Variants in ARB2A observed in about 807,000 individuals in gnomAD.
ARB2A encodes ARB2 cotranscriptional regulator A.
chr5:94,076,755 A>G, the ARB2A span, among the ~76,000 whole-genome samples: 1 of 152,184 alleles, frequency 6.6e-6, no homozygotes, highest in South Asian at 2.1e-4. Context: ...CCTTTGCTAA[A>G]TATTCTACAA....
At chr5:93,900,853 T>A in the ARB2A span, among the ~76,000 whole-genome samples, 1 of 152,224 alleles carries the variant, frequency 6.6e-6, no homozygotes, top group Admixed American at 6.5e-5. Context: ...TGGTTTTAAT[T>A]GTGAAATTCT....
At chr5:93,983,170 G>GGTGTGTGTGTGT in the ARB2A span, among the ~76,000 whole-genome samples, 1 of 125,466 alleles carries the variant, frequency 8.0e-6, no homozygotes, top group African/African-American at 3.1e-5. Flanking sequence ...GCTGTGGAGA[G>GGTGTGTGTGTGT]GTGTGTGTGT....
chr5:93,954,430 G>A, the ARB2A span, among the ~76,000 whole-genome samples: 1 of 151,940 alleles, frequency 6.6e-6, no homozygotes, highest in East Asian at 1.9e-4. Flanking sequence ...TCTAGTGTCT[G>A]GAATAGGAGC....
the ARB2A span, among the ~76,000 whole-genome samples, chr5:94,072,557 T>C: frequency 6.8e-3 from 1,042 of 152,130 alleles, 7 homozygotes; most frequent in Non-Finnish European, 8.9e-3. Flanking sequence ...ATAAAGGCAC[T>C]ATAGCAAAAT....
the ARB2A span, among the ~76,000 whole-genome samples, chr5:93,878,072 T>C: frequency 2.7e-5 from 4 of 149,016 alleles, no homozygotes; most frequent in Non-Finnish European, 6.0e-5. Flanking sequence ...AATGACCTTA[T>C]ACCATTAATT....
chr5:93,683,235 C>A, the ARB2A span: 1 of 1,428,256 alleles, frequency 7.0e-7, no homozygotes, highest in African/African-American at 1.4e-5. Flanking sequence ...TCATCATCTT[C>A]ATCAGCAGCA....
chr5:93,986,494 C>T, the ARB2A span, among the ~76,000 whole-genome samples: 1 of 152,206 alleles, frequency 6.6e-6, no homozygotes, highest in Admixed American at 6.5e-5. Flanking sequence ...GCCCCTCTGC[C>T]CGGCTGCCAC....
chr5:93,863,811 T>C, the ARB2A span: 2 of 152,098 alleles, frequency 1.3e-5, no homozygotes, highest in Admixed American at 1.3e-4. Flanking sequence ...GAAAGAAATA[T>C]GACACATATC....
the ARB2A span, among the ~76,000 whole-genome samples, chr5:93,719,533 G>GAT: frequency 1.6e-3 from 238 of 152,224 alleles, 1 homozygote; most frequent in Middle Eastern, 3.4e-3. Flanking sequence ...ATTTGCCACA[G>GAT]ATAACATTTC....
the ARB2A span, among the ~76,000 whole-genome samples, chr5:93,933,657 TG>T: frequency 6.7e-6 from 1 of 150,366 alleles, no homozygotes; most frequent in African/African-American, 2.5e-5. Flanking sequence ...CGTTAGGGGG[TG>T]GGGGGCTAGG....
the ARB2A span, among the ~76,000 whole-genome samples, chr5:93,637,354 GTTTT>G: frequency 0.19 from 22,049 of 116,018 alleles, 1,936 homozygotes; most frequent in African/African-American, 0.32. Flanking sequence ...GGGTTGTTTA[GTTTT>G]TTTTTTTTTT....
At chr5:93,765,406 C>T in the ARB2A span, among the ~76,000 whole-genome samples, 2 of 152,114 alleles carry the variant, frequency 1.3e-5, no homozygotes, top group African/African-American at 2.4e-5. Context: ...CAATAACAGA[C>T]AAACAGAGAG....
chr5:93,765,829 C>T, the ARB2A span, among the ~76,000 whole-genome samples: 1 of 152,010 alleles, frequency 6.6e-6, no homozygotes, highest in African/African-American at 2.4e-5. Flanking sequence ...GGTACTGGTA[C>T]CAAAACAGAG....
At chr5:94,064,695 C>A in the ARB2A span, among the ~76,000 whole-genome samples, 3 of 152,098 alleles carry the variant, frequency 2.0e-5, no homozygotes, top group Admixed American at 6.5e-5. Flanking sequence ...ATTCAAAGTG[C>A]CGAAAGAGAG....
chr5:93,652,368 T>C, the ARB2A span, among the ~76,000 whole-genome samples: 1 of 152,156 alleles, frequency 6.6e-6, no homozygotes, highest in Non-Finnish European at 1.5e-5. Context: ...AGAATAATAA[T>C]TTTGACTAAG....
the ARB2A span, among the ~76,000 whole-genome samples, chr5:93,893,813 T>A: frequency 6.6e-6 from 1 of 152,178 alleles, no homozygotes. Context: ...GAGAAAATCT[T>A]CTAAACCAGA....
At chr5:94,071,031 C>G in the ARB2A span, among the ~76,000 whole-genome samples, 92 of 152,124 alleles carry the variant, frequency 6.0e-4, no homozygotes, top group African/African-American at 1.9e-3. Context: ...CAGCAGTCCT[C>G]CCCCTAGGTA....
chr5:93,827,161 G>T, the ARB2A span, among the ~76,000 whole-genome samples: 1 of 152,048 alleles, frequency 6.6e-6, no homozygotes, highest in Non-Finnish European at 1.5e-5. Context: ...GATCCCTGAG[G>T]GATCACCACA....
chr5:93,715,290 A>AT, the ARB2A span, among the ~76,000 whole-genome samples: 2 of 152,286 alleles, frequency 1.3e-5, no homozygotes, highest in Non-Finnish European at 2.9e-5. Flanking sequence ...CTATAGCTAA[A>AT]TTTTTTTAAA....
Sources: gnomAD v4.1 joint callset for allele counts (sites outside exome capture counted in the v4.1 genomes callset) on GRCh38, gnomAD v4.1.1 for gene constraint, MANE v1.5 for transcripts, NCBI Gene and HGNC (gene_info 2026-07-23, HGNC 2026-07-21) for gene names.